Variants in HHAT observed in about 807,000 individuals in gnomAD.
HHAT encodes the protein protein-cysteine N-palmitoyltransferase HHAT.
Under a neutral mutation model 70.8 loss-of-function variants are expected in HHAT, and 47 were observed. The observed-to-expected ratio is 0.66, with a 90% confidence interval of 0.53 to 0.85. HHAT has a LOEUF of 0.85. Ranked by LOEUF, HHAT falls within the 40% of genes least tolerant of loss-of-function variation. HHAT has a pLI of 0.00. For synonymous variants in HHAT, 228 were observed against 247.6 expected, an observed-to-expected ratio of 0.92 and a Z score of 0.74; for missense variants, 609 against 604.8, an observed-to-expected ratio of 1.01 and a Z score of -0.07.
intron 10 of HHAT, among the ~76,000 whole-genome samples, chr1:210,616,464 T>C (rs71638175): frequency 0.021 from 3,244 of 152,346 alleles, 62 homozygotes; most frequent in Non-Finnish European, 0.033. Context: ...TGGATCCCAG[T>C]TACTTTTAAA....
At chr1:210,374,058 T>TTAA (rs1449095212) in intron 3 of HHAT, 2 of 152,212 alleles carry the variant, frequency 1.3e-5, no homozygotes, top group Non-Finnish European at 2.9e-5. Flanking sequence ...CAAGTTCTGT[T>TTAA]ACACAATGTT....
chr1:210,367,805 C>T (rs972824194), intron 3 of HHAT, among the ~76,000 whole-genome samples: 5 of 152,060 alleles, frequency 3.3e-5, no homozygotes, highest in Non-Finnish European at 7.4e-5. Flanking sequence ...TGGGTGCTTG[C>T]GTAGGTGCGG....
In HHAT at chr1:210,535,839, A is replaced by G. The variant is rs563658180; in HGVS notation, c.1043+22651A>G. Among the ~76,000 whole-genome samples, 6 of 152,370 alleles carry G rather than the reference A, an allele frequency of 3.9e-5. No individual in the cohort carries two copies. In the East Asian group the frequency reaches 9.6e-4, roughly 24 times the overall value. On this transcript the variant is annotated intron_variant, in intron 9 of 11. Coordinates refer to ENST00000261458, the MANE Select transcript of HHAT (RefSeq NM_018194.6). Reference sequence around the variant, plus strand: ...AACAGTGTTCCAAACCAAACCCACTACAACACAAACATGCAAATATGCTAA... The same window carrying G: ...AACAGTGTTCCAAACCAAACCCACTGCAACACAAACATGCAAATATGCTAA...
At chr1:210,503,864 C>T (rs140356115) in intron 8 of HHAT, among the ~76,000 whole-genome samples, 6 of 152,158 alleles carry the variant, frequency 3.9e-5, no homozygotes, top group East Asian at 1.9e-4. Flanking sequence ...ACACACCCCA[C>T]GCAAAAAAAT....
intron 9 of HHAT, among the ~76,000 whole-genome samples, chr1:210,586,337 G>A (rs890847222): frequency 1.3e-5 from 2 of 152,054 alleles, no homozygotes; most frequent in African/African-American, 4.8e-5. Context: ...TTACTTGGGG[G>A]GCTAAAGTGG....
At chr1:210,374,253 A>G (rs1436255124) in intron 3 of HHAT, 2 of 133,276 alleles carry the variant, frequency 1.5e-5, no homozygotes, top group Admixed American at 1.4e-4. Flanking sequence ...ATTCGATCTG[A>G]AGAGAAACCA....
At chr1:210,545,780 A>G (rs552093692) in intron 9 of HHAT, among the ~76,000 whole-genome samples, 13 of 152,132 alleles carry the variant, frequency 8.5e-5, no homozygotes, top group African/African-American at 3.1e-4. Context: ...TCTCTCAGTA[A>G]AATTGTGTTG....
At chr1:210,527,413 A>G (rs2148624049) in intron 9 of HHAT, among the ~76,000 whole-genome samples, 1 of 152,292 alleles carries the variant, frequency 6.6e-6, no homozygotes, top group Non-Finnish European at 1.5e-5. Flanking sequence ...GAAGATTAAT[A>G]GTAATACCTA....
At chr1:210,588,971 G>A (rs558286324) in intron 10 of HHAT, 1 of 152,248 alleles carries the variant, frequency 6.6e-6, no homozygotes, top group Admixed American at 6.5e-5. Context: ...TAAACTATGG[G>A]CATAGCTTTT....
At chr1:210,356,921 A>G (rs1000810163) in intron 2 of HHAT, among the ~76,000 whole-genome samples, 1 of 152,226 alleles carries the variant, frequency 6.6e-6, no homozygotes, top group Non-Finnish European at 1.5e-5. Flanking sequence ...TGGGGCCACC[A>G]GGGGCCCTTC....
chr1:210,660,954 T>C (rs1677565441), intron 11 of HHAT, among the ~76,000 whole-genome samples: 1 of 152,074 alleles, frequency 6.6e-6, no homozygotes, highest in Admixed American at 6.6e-5. Context: ...CCCAAAACCA[T>C]TAAAAAACCC....
Position 210,352,996 on chromosome 1 carries a change from C to T in HHAT, c.91+3930C>T, listed in dbSNP as rs542092633. On this transcript the variant is annotated intron_variant, in intron 2 of 11. Coordinates refer to ENST00000261458, the MANE Select transcript of HHAT (RefSeq NM_018194.6). The stretch of plus-strand genomic sequence containing the variant: ...TGTCACCCAGGCTGGAGTGCAGTGG[C>T]GCAATCTCGGCTCACTGCAACCTCT... 3.3e-5 allele frequency among the ~76,000 whole-genome samples: 5 copies of T among 151,146 alleles called. No individual in the cohort carries two copies. The East Asian group carries it at 7.8e-4, about 24-fold the overall frequency.
At chr1:210,626,753 T>A (rs71638176) in intron 11 of HHAT, among the ~76,000 whole-genome samples, 5,705 of 152,152 alleles carry the variant, frequency 0.037, 185 homozygotes, top group Middle Eastern at 0.068. Context: ...TGAAAAAAAA[T>A]AATGAGTCTA....
At chr1:210,370,073 T>TATAC (rs1353067881) in intron 3 of HHAT, among the ~76,000 whole-genome samples, 1 of 151,708 alleles carries the variant, frequency 6.6e-6, no homozygotes, top group Non-Finnish European at 1.5e-5. Flanking sequence ...TGCATACACA[T>TATAC]ATACACACAC....
chr1:210,647,480 G>A (rs1318028017), intron 11 of HHAT, among the ~76,000 whole-genome samples: 1 of 152,178 alleles, frequency 6.6e-6, no homozygotes, highest in Non-Finnish European at 1.5e-5. Context: ...GTAACCAGCA[G>A]AGCTGCCTCA....
At chr1:210,562,518 TC>T (rs918228702) in intron 9 of HHAT, among the ~76,000 whole-genome samples, 1 of 152,080 alleles carries the variant, frequency 6.6e-6, no homozygotes, top group Non-Finnish European at 1.5e-5. Context: ...GATGTTTCTT[TC>T]TGCTGAGGTG....
At chr1:210,584,548 G>A (rs759223894) in intron 9 of HHAT, among the ~76,000 whole-genome samples, 1 of 152,010 alleles carries the variant, frequency 6.6e-6, no homozygotes, top group Non-Finnish European at 1.5e-5. Context: ...AGCAGCCTCT[G>A]GGGGGCAGCA....
rs2093869315 is a variant in HHAT, at chr1:210,456,412, A to T, written c.857-8093A>T. ...AAGCCTCTTCTGTGAACTGCTCACC[A>T]GCCAGATGCAGCGGGTTCCTGGGAC... is the stretch of plus-strand genomic sequence containing the variant. On this transcript the variant is annotated intron_variant, in intron 7 of 11. Transcript: ENST00000261458. 1.3e-5 allele frequency among the ~76,000 whole-genome samples: 2 copies of T among 152,170 alleles called. 1 individual carries two copies. The highest frequency in any genetic ancestry group is 4.1e-4 in the South Asian group (2 of 4,828).
chr1:210,641,221 A>C (rs1176707978), intron 11 of HHAT, among the ~76,000 whole-genome samples: 1 of 152,170 alleles, frequency 6.6e-6, no homozygotes, highest in Admixed American at 6.5e-5. Flanking sequence ...TCTTCCTATT[A>C]GTATCTCTTT....
Sources: gnomAD v4.1 joint callset for allele counts (sites outside exome capture counted in the v4.1 genomes callset) on GRCh38, gnomAD v4.1.1 for gene constraint, MANE v1.5 for transcripts, NCBI Gene and HGNC (gene_info 2026-07-23, HGNC 2026-07-21) for gene names.